RPH3AL: variants seen among roughly 807,000 people sequenced by gnomAD.
The protein encoded by RPH3AL is rabphilin 3A like (without C2 domains).
RPH3AL carries 38 observed loss-of-function variants against 43.1 expected under a neutral mutation model. The ratio of observed to expected loss-of-function variants is 0.88; its 90% CI spans 0.68 to 1.15. RPH3AL has a LOEUF of 1.15. Ranked by LOEUF, RPH3AL falls within the 50% of genes most tolerant of loss-of-function variation. The probability of loss-of-function intolerance (pLI) is 0.00; values close to 1 mark genes in which losing one functional copy is unlikely to be tolerated. For synonymous variants in RPH3AL, 189 were observed against 176.3 expected, an observed-to-expected ratio of 1.07 and a Z score of -0.57; for missense variants, 462 against 423.2, an observed-to-expected ratio of 1.09 and a Z score of -0.81.
At chr17:244,493 C>T (rs527620006) in intron 7 of RPH3AL, among the ~76,000 whole-genome samples, 1 of 152,112 alleles carries the variant, frequency 6.6e-6, no homozygotes, top group South Asian at 2.1e-4. Flanking sequence ...TAGAGAGAGG[C>T]TGAGAGAGCG....
intron 6 of RPH3AL, among the ~76,000 whole-genome samples, chr17:267,380 G>C (rs1217215659): frequency 6.6e-6 from 1 of 152,224 alleles, no homozygotes; most frequent in African/African-American, 2.4e-5. Context: ...AGACGGAGTG[G>C]GCTGCATGCA....
In RPH3AL at chr17:309,400, C is replaced by CCCTGCCCAGGGCT. The variant is rs543687888; in HGVS notation, c.351+10007_351+10019dup. Among the ~76,000 whole-genome samples the CCCTGCCCAGGGCT allele has an allele frequency of 2.1e-3, 325 of 151,906 alleles. 2 individuals are homozygous for CCCTGCCCAGGGCT. The highest frequency in any genetic ancestry group is 7.7e-3 in the African/African-American group (318 of 41,384). On this transcript the variant is annotated intron_variant, in intron 5 of 9. Coordinates refer to ENST00000331302, the MANE Select transcript of RPH3AL (RefSeq NM_006987.4). The stretch of plus-strand genomic sequence containing the variant: ...CCTTAGGAAAATGGCATGTACCCCG[C>CCCTGCCCAGGGCT]CCTGCCCAGGGCTCCTGCCAGCCCC...
At chr17:232,569 G>A (rs2041253388) in intron 7 of RPH3AL, among the ~76,000 whole-genome samples, 1 of 152,214 alleles carries the variant, frequency 6.6e-6, no homozygotes, top group African/African-American at 2.4e-5. Context: ...CTCGGGCAGT[G>A]CAGCGTCACC....
chr17:343,112 C>T (rs569301416), intron 1 of RPH3AL, among the ~76,000 whole-genome samples: 2 of 152,350 alleles, frequency 1.3e-5, no homozygotes, highest in East Asian at 1.9e-4. Context: ...TAGGAGGACA[C>T]AGACAATGAC....
chr17:268,556 T>TTG (rs1555548861), intron 6 of RPH3AL, among the ~76,000 whole-genome samples: 2 of 123,276 alleles, frequency 1.6e-5, no homozygotes, highest in Non-Finnish European at 3.4e-5. Flanking sequence ...TTTTTGGGTT[T>TTG]TTTTTTTTTT....
chr17:327,444 T>A, intron 3 of RPH3AL, 23 bp downstream of exon 3: 6 of 1,610,246 alleles, frequency 3.7e-6, no homozygotes, highest in Non-Finnish European at 5.1e-6. Context: ...AGGGACGGCC[T>A]GGGGGGCCCC....
chr17:299,236 C>T (rs529590613), intron 5 of RPH3AL, among the ~76,000 whole-genome samples: 4 of 152,320 alleles, frequency 2.6e-5, no homozygotes, highest in African/African-American at 7.2e-5. Flanking sequence ...TCAGGCCTCA[C>T]TCCCTGCAGG....
intron 5 of RPH3AL, among the ~76,000 whole-genome samples, chr17:314,606 C>T: frequency 7.6e-6 from 1 of 131,790 alleles, no homozygotes; most frequent in East Asian, 2.2e-4. Flanking sequence ...CTCCACTGAC[C>T]TGTAGTCCCT....
At chr17:262,250 G>C (rs1448693483) in intron 6 of RPH3AL, among the ~76,000 whole-genome samples, 2 of 151,860 alleles carry the variant, frequency 1.3e-5, no homozygotes, top group Admixed American at 1.3e-4. Context: ...ATGGTGTCTC[G>C]CTCTGTCACC....
At chr17:238,064 G>A (rs374692441) in intron 7 of RPH3AL, among the ~76,000 whole-genome samples, 23 of 152,014 alleles carry the variant, frequency 1.5e-4, no homozygotes, top group African/African-American at 4.1e-4. Context: ...GCTTGAGTCC[G>A]GGAAGTCGTG....
chr17:315,294 C>T (rs74202339), intron 5 of RPH3AL, among the ~76,000 whole-genome samples: 1,992 of 28,646 alleles, frequency 0.07, 21 homozygotes, highest in East Asian at 0.27. Flanking sequence ...GTGCCCCCAC[C>T]TCCAGTGACC....
chr17:332,253 CAGGT>C, intron 2 of RPH3AL: 1 of 284,688 alleles, frequency 3.5e-6, no homozygotes, highest in South Asian at 3.7e-5. Flanking sequence ...CCAGCTGGGA[CAGGT>C]AAGAGGCTGG....
chr17:247,331 C>A, intron 6 of RPH3AL, 46 bp from the exon 7 acceptor site: 1 of 1,500,750 alleles, frequency 6.7e-7, no homozygotes, highest in Non-Finnish European at 8.9e-7. Context: ...CGCAGAGGAG[C>A]CTCCCCTCCT....
chr17:348,578 A>C (rs1446802001), intron 1 of RPH3AL, among the ~76,000 whole-genome samples: 1 of 152,174 alleles, frequency 6.6e-6, no homozygotes, highest in Non-Finnish European at 1.5e-5. Flanking sequence ...CAATGAAAAA[A>C]ATTTTAATTT....
rs748251960 is a variant in RPH3AL at position 245,940 on chromosome 17, G to A, written c.613+1171C>T. Among the ~76,000 whole-genome samples the A allele has an allele frequency of 2.0e-5, 3 of 152,158 alleles. No individual in the cohort carries two copies. Among genetic ancestry groups the A allele is most frequent in the Admixed American group, 6.5e-5 (1 of 15,278 alleles). On this transcript the variant is annotated intron_variant, in intron 7 of 9. Coordinates refer to ENST00000331302, the MANE Select transcript of RPH3AL (RefSeq NM_006987.4). The surrounding 1 kb of genome is among the most constrained non-coding windows in gnomAD (Gnocchi z 5.9). Reference sequence around the variant, plus strand: ...GGCAGCAGAGGTGTACGCAGCATCCGGTAGGACCAGCGAGGAGAGGCTGCT... The same window carrying A: ...GGCAGCAGAGGTGTACGCAGCATCCAGTAGGACCAGCGAGGAGAGGCTGCT...
At position 300,642 on chromosome 17, in the gene RPH3AL, A is replaced by C. The variant is rs1232883693; in HGVS notation, c.351+18778T>G. On this transcript the variant is annotated intron_variant, in intron 5 of 9. Coordinates refer to ENST00000331302, the MANE Select transcript of RPH3AL (RefSeq NM_006987.4). ...CTGCAGAATCTCTCACCCACTCTAG[A>C]AGGGGCTGGCCCAGCCTAGACCTGC... Among the ~76,000 whole-genome samples, 109 of 54,202 alleles carry C rather than the reference A, an allele frequency of 2.0e-3. 1 individual carries two copies. Among genetic ancestry groups the C allele is most frequent in the African/African-American group, 4.1e-3 (51 of 12,424 alleles). The allele number at this position is 54,202 out of a possible 152,430, so 35.6% of individuals were successfully genotyped here. A position where few individuals can be genotyped will look rare whatever the true frequency, so the allele number is the denominator to read the frequency against.
chr17:248,871 G>A (rs181584144), intron 6 of RPH3AL, among the ~76,000 whole-genome samples: 5 of 152,342 alleles, frequency 3.3e-5, no homozygotes, highest in East Asian at 1.9e-4. Flanking sequence ...CCCAGAAGGT[G>A]TTCACAAGAT....
At chr17:224,487 T>G (rs1207275157) in intron 7 of RPH3AL, among the ~76,000 whole-genome samples, 1 of 152,234 alleles carries the variant, frequency 6.6e-6, no homozygotes, top group Admixed American at 6.5e-5. Flanking sequence ...ACCTGTGCCC[T>G]GGCTGGCTGA....
chr17:316,193 T>G (rs796948362), intron 5 of RPH3AL, among the ~76,000 whole-genome samples: 9 of 18,606 alleles, frequency 4.8e-4, no homozygotes, highest in Middle Eastern at 0.05. Context: ...CACTGACCTG[T>G]AGTTCCTGTG....
Sources: gnomAD v4.1 joint callset for allele counts (sites outside exome capture counted in the v4.1 genomes callset) on GRCh38, gnomAD v4.1.1 for gene constraint, Gnocchi (gnomAD v3.1) non-coding constraint, MANE v1.5 for transcripts, NCBI Gene and HGNC (gene_info 2026-07-23, HGNC 2026-07-21) for gene names.